UNC5D: variants seen among roughly 807,000 people sequenced by gnomAD.
The protein encoded by UNC5D is netrin receptor UNC5D.
Under a neutral mutation model 105.4 loss-of-function variants are expected in UNC5D, and 39 were observed. The ratio of observed to expected loss-of-function variants is 0.37; its 90% CI spans 0.29 to 0.48. The LOEUF (loss-of-function observed/expected upper bound fraction) is 0.48, where lower values mean the gene tolerates loss of function less well. Ranked by LOEUF, UNC5D falls within the 20% of genes least tolerant of loss-of-function variation. The probability of loss-of-function intolerance (pLI) is 0.98; values close to 1 mark genes in which losing one functional copy is unlikely to be tolerated. For missense variants in UNC5D, 991 were observed against 1,202.4 expected (o/e 0.82, Z 2.60); for synonymous variants, 452 against 450.4 (o/e 1.00, Z -0.04).
intron 11 of UNC5D, among the ~76,000 whole-genome samples, chr8:35,735,282 A>C (rs1019946148): frequency 7.2e-6 from 1 of 138,152 alleles, no homozygotes; most frequent in African/African-American, 2.6e-5. Flanking sequence ...CTGGACCAGA[A>C]AATTATTATA....
At chr8:35,339,670 G>A (rs1366933305) in intron 1 of UNC5D, among the ~76,000 whole-genome samples, 2 of 152,178 alleles carry the variant, frequency 1.3e-5, no homozygotes, top group African/African-American at 4.8e-5. Context: ...ATTGGAAGAC[G>A]GGGACTGTAA....
rs555989830 is a variant in UNC5D at position 35,401,269 on chromosome 8, A to G, written c.104-148023A>G. 4.5e-4 allele frequency among the ~76,000 whole-genome samples: 69 copies of G among 152,264 alleles called. 1 individual carries two copies. The highest frequency in any genetic ancestry group is 1.6e-3 in the African/African-American group (66 of 41,554). The stretch of plus-strand genomic sequence containing the variant: ...GAGACTGAGGTGGGAGGATTACCTG[A>G]GGTCAGGAGTTTGAGACCAGCTTGG... On this transcript the variant is annotated intron_variant, in intron 1 of 16. Coordinates refer to ENST00000404895, the MANE Select transcript of UNC5D (RefSeq NM_080872.4).
At chr8:35,404,485 T>A (rs1195752758) in intron 1 of UNC5D, among the ~76,000 whole-genome samples, 1 of 152,282 alleles carries the variant, frequency 6.6e-6, no homozygotes, top group East Asian at 1.9e-4. Context: ...AACAGCAGAG[T>A]TGATGTCATC....
chr8:35,404,591 A>ATT (rs113907449), intron 1 of UNC5D, among the ~76,000 whole-genome samples: 1 of 148,340 alleles, frequency 6.7e-6, no homozygotes, highest in African/African-American at 2.5e-5. Context: ...TTCCCATGTG[A>ATT]TTTTTTTTTT....
rs1044875550 is a variant in UNC5D at position 35,570,787 on chromosome 8, C to T, written c.466+2546C>T. Among the ~76,000 whole-genome samples the T allele has an allele frequency of 5.3e-5, 8 of 150,980 alleles. 1 individual carries two copies. The highest frequency in any genetic ancestry group is 1.9e-4 in the African/African-American group (8 of 41,060). ...TGACCAACATGGAGAAACCCCATCT[C>T]TACTGAAAAAAAAAGAAAAAATTAG... On this transcript the variant is annotated intron_variant, in intron 3 of 16. Transcript: ENST00000404895.
At chr8:35,452,366 G>A (rs1808212333) in intron 1 of UNC5D, among the ~76,000 whole-genome samples, 1 of 152,136 alleles carries the variant, frequency 6.6e-6, no homozygotes, top group African/African-American at 2.4e-5. Flanking sequence ...CCAGGTTCAA[G>A]CCATTCTCCT....
chr8:35,635,987 A>G (rs1822346584), intron 4 of UNC5D, among the ~76,000 whole-genome samples: 1 of 152,218 alleles, frequency 6.6e-6, no homozygotes, highest in Non-Finnish European at 1.5e-5. Context: ...TTGAGGAAGA[A>G]GGAAGCAGAA....
At chr8:35,652,850 T>A (rs1023230942) in intron 4 of UNC5D, among the ~76,000 whole-genome samples, 7 of 150,722 alleles carry the variant, frequency 4.6e-5, no homozygotes, top group African/African-American at 1.7e-4. Flanking sequence ...TGACCTGAAC[T>A]ACTTCTTCTC....
rs1271793793 is a variant in UNC5D at position 35,726,383 on chromosome 8, A to G, written c.1535A>G (p.His512Arg). 6.2e-7 allele frequency: 1 copy of G among 1,614,156 alleles called. No homozygotes were observed. The highest frequency in any genetic ancestry group is 8.5e-7 in the Non-Finnish European group (1 of 1,180,012). ...AAGAATCATTCCAGGACTTTTCCCC[A>G]TGGAAACAACCACAGCTTTAGTACA... Reference protein sequence around the residue: ...HGKNHSRTFPHGNNHSFSTMH... With the variant: ...HGKNHSRTFPRGNNHSFSTMH... Residue 512 changes from histidine to arginine, a missense_variant, in exon 10 of 17, where the codon CAT becomes CGT. Physicochemically the swap from His to Arg is conservative, Grantham distance 29 (BLOSUM62 0). Coordinates refer to ENST00000404895, the MANE Select transcript of UNC5D (RefSeq NM_080872.4).
chr8:35,352,594 G>A (rs917941473), intron 1 of UNC5D, among the ~76,000 whole-genome samples: 1 of 151,996 alleles, frequency 6.6e-6, no homozygotes, highest in Non-Finnish European at 1.5e-5. Flanking sequence ...TTTTCTCAAT[G>A]CTAGTATTTC....
chr8:35,637,656 T>G (rs1327352362), intron 4 of UNC5D, among the ~76,000 whole-genome samples: 1 of 152,144 alleles, frequency 6.6e-6, no homozygotes, highest in Non-Finnish European at 1.5e-5. Flanking sequence ...TAAACACAGG[T>G]CATCATATCT....
chr8:35,374,589 A>G (rs1035331301), intron 1 of UNC5D, among the ~76,000 whole-genome samples: 7 of 152,170 alleles, frequency 4.6e-5, no homozygotes, highest in African/African-American at 1.4e-4. Flanking sequence ...TTCACATCTC[A>G]TGTCAGGCAT....
intron 7 of UNC5D, among the ~76,000 whole-genome samples, chr8:35,705,659 C>A (rs1332100805): frequency 6.6e-6 from 1 of 151,430 alleles, no homozygotes; most frequent in African/African-American, 2.4e-5. Flanking sequence ...AAGAATCTAG[C>A]AAATGCAACA....
At chr8:35,592,802 A>G (rs1365330238) in intron 3 of UNC5D, among the ~76,000 whole-genome samples, 1 of 152,024 alleles carries the variant, frequency 6.6e-6, no homozygotes, top group Admixed American at 6.6e-5. Context: ...ATAGTGCCCT[A>G]GTTGTTCCCT....
intron 1 of UNC5D, among the ~76,000 whole-genome samples, chr8:35,323,784 C>G (rs1388347148): frequency 6.6e-6 from 1 of 152,160 alleles, no homozygotes; most frequent in Non-Finnish European, 1.5e-5. Flanking sequence ...CAGCATTACT[C>G]CATAATCTAT....
In UNC5D at chr8:35,632,376, G is replaced by T. The variant is rs547377423; in HGVS notation, c.570+36719G>T. Among the ~76,000 whole-genome samples, 5 of 152,318 alleles carry T rather than the reference G, an allele frequency of 3.3e-5. No individual in the cohort carries two copies. In the South Asian group the frequency reaches 1.0e-3, roughly 32 times the overall value. ...TACTTTTGTTTTGTGTGTCCTGTGG[G>T]ATGAAATGGAAATCTCTTATTTGTA... On this transcript the variant is annotated intron_variant, in intron 4 of 16. Coordinates refer to ENST00000404895, the MANE Select transcript of UNC5D (RefSeq NM_080872.4).
chr8:35,527,961 C>T (rs1814004187), intron 1 of UNC5D, among the ~76,000 whole-genome samples: 1 of 151,254 alleles, frequency 6.6e-6, no homozygotes, highest in Non-Finnish European at 1.5e-5. Context: ...TTTAATTTGG[C>T]AGTGGGAAGG....
intron 1 of UNC5D, among the ~76,000 whole-genome samples, chr8:35,473,582 T>C (rs913491333): frequency 2.6e-5 from 4 of 152,200 alleles, no homozygotes; most frequent in African/African-American, 9.6e-5. Flanking sequence ...CCAAGAATTA[T>C]GTGAAGCACA....
At chr8:35,457,111 G>T (rs111802300) in intron 1 of UNC5D, among the ~76,000 whole-genome samples, 2,543 of 152,190 alleles carry the variant, frequency 0.017, 82 homozygotes, top group African/African-American at 0.058. Context: ...CGTTAATTAG[G>T]GTTGATTTGA....
Sources: gnomAD v4.1 joint callset for allele counts (sites outside exome capture counted in the v4.1 genomes callset) on GRCh38, gnomAD v4.1.1 for gene constraint, MANE v1.5 for transcripts, NCBI Gene and HGNC (gene_info 2026-07-23, HGNC 2026-07-21) for gene names.